Variants in CNTNAP2 observed in about 807,000 individuals in gnomAD.
CNTNAP2 encodes the protein contactin associated protein 2.
In CNTNAP2, 98 loss-of-function variants were observed where a neutral mutation model predicts 155.2. The ratio of observed to expected loss-of-function variants is 0.63; its 90% CI spans 0.54 to 0.75. The LOEUF (loss-of-function observed/expected upper bound fraction) is 0.75, where lower values mean the gene tolerates loss of function less well. CNTNAP2 is among the 30% of genes least tolerant of loss of function. The probability of loss-of-function intolerance (pLI) is 0.00; values close to 1 mark genes in which losing one functional copy is unlikely to be tolerated. For missense variants in CNTNAP2, 1,727 were observed against 1,688.1 expected, an observed-to-expected ratio of 1.02 and a Z score of -0.40; for synonymous variants, 651 against 631.2, an observed-to-expected ratio of 1.03 and a Z score of -0.47.
intron 14 of CNTNAP2, among the ~76,000 whole-genome samples, chr7:147,948,677 G>C (rs1800864831): frequency 6.7e-6 from 1 of 149,926 alleles, no homozygotes; most frequent in Non-Finnish European, 1.5e-5. Context: ...ATGTGTGTGT[G>C]TGTATATATA....
intron 15 of CNTNAP2, among the ~76,000 whole-genome samples, chr7:148,110,496 C>T (rs558965962): frequency 6.6e-6 from 1 of 152,080 alleles, no homozygotes; most frequent in African/African-American, 2.4e-5. Flanking sequence ...TCTTGCTGGA[C>T]CCACAGGTGG....
chr7:147,214,391 T>TCTGC (rs1369104360), intron 8 of CNTNAP2, among the ~76,000 whole-genome samples: 1 of 152,146 alleles, frequency 6.6e-6, no homozygotes, highest in Non-Finnish European at 1.5e-5. Context: ...ATTTAACCTC[T>TCTGC]CTGCCTTGGT....
intron 21 of CNTNAP2, among the ~76,000 whole-genome samples, chr7:148,303,517 C>T (rs1265518076): frequency 2.6e-5 from 4 of 152,138 alleles, no homozygotes; most frequent in African/African-American, 9.7e-5. Context: ...TAAGCTTGGC[C>T]GTGTTGCAGC....
chr7:148,409,530 G>C, intron 23 of CNTNAP2, 59 bp downstream of exon 23: 1 of 1,442,252 alleles, frequency 6.9e-7, no homozygotes, highest in Non-Finnish European at 9.8e-7. Context: ...AGTAATAGTT[G>C]TCAATAACAT....
At chr7:146,136,993 G>A (rs888222786) in intron 1 of CNTNAP2, among the ~76,000 whole-genome samples, 1 of 152,136 alleles carries the variant, frequency 6.6e-6, no homozygotes, top group Non-Finnish European at 1.5e-5. Flanking sequence ...GCACTTTTGA[G>A]TGATTACTAC....
intron 1 of CNTNAP2, among the ~76,000 whole-genome samples, chr7:146,344,010 AATC>A (rs1794775376): frequency 6.6e-6 from 1 of 152,170 alleles, no homozygotes; most frequent in African/African-American, 2.4e-5. Context: ...ACCCCTGTTT[AATC>A]ATAAAAAATT....
intron 3 of CNTNAP2, among the ~76,000 whole-genome samples, chr7:146,932,436 G>C (rs554295811): frequency 6.6e-6 from 1 of 150,744 alleles, no homozygotes; most frequent in African/African-American, 2.5e-5. Flanking sequence ...GGGATGTATG[G>C]CAAAATAATA....
intron 10 of CNTNAP2, among the ~76,000 whole-genome samples, chr7:147,421,227 T>C (rs1305396441): frequency 6.6e-6 from 1 of 152,170 alleles, no homozygotes; most frequent in Non-Finnish European, 1.5e-5. Context: ...TAAAAGTTCA[T>C]TTCCACTGAG....
At chr7:147,785,528 A>G (rs759175) in intron 13 of CNTNAP2, among the ~76,000 whole-genome samples, 15,868 of 152,208 alleles carry the variant, frequency 0.1, 1,289 homozygotes, top group African/African-American at 0.23. Flanking sequence ...AAGCAAGAAT[A>G]GGGTAAATAA....
chr7:147,043,023 T>C (rs1047968642), intron 3 of CNTNAP2, among the ~76,000 whole-genome samples: 2 of 152,126 alleles, frequency 1.3e-5, no homozygotes, highest in Non-Finnish European at 2.9e-5. Flanking sequence ...TTATTTGAAT[T>C]ATATCTTCTA....
chr7:148,267,439 G>A (rs892471934), intron 21 of CNTNAP2, among the ~76,000 whole-genome samples: 2 of 152,096 alleles, frequency 1.3e-5, no homozygotes, highest in African/African-American at 4.8e-5. Flanking sequence ...TGGATCACTT[G>A]AGGTCAGGAG....
chr7:146,701,471 C>G (rs1433527182), intron 1 of CNTNAP2, among the ~76,000 whole-genome samples: 1 of 152,138 alleles, frequency 6.6e-6, no homozygotes, highest in Non-Finnish European at 1.5e-5. Context: ...ACAAAGCAAA[C>G]TATGATGTCT....
chr7:147,924,528 G>T (rs1800348781), intron 14 of CNTNAP2, among the ~76,000 whole-genome samples: 2 of 152,202 alleles, frequency 1.3e-5, no homozygotes, highest in South Asian at 4.1e-4. Context: ...TGTAAATAAA[G>T]AAACCGAGGC....
chr7:146,502,237 A>ATATATATATATATATGAATATATATGTG (rs1563109674), intron 1 of CNTNAP2, among the ~76,000 whole-genome samples: 24 of 67,390 alleles, frequency 3.6e-4, no homozygotes, highest in African/African-American at 8.6e-4. Flanking sequence ...ATATATATAT[A>ATATATATATATATATGAATATATATGTG]TATATATATA....
chr7:148,418,935 C>G lies in CNTNAP2; in HGVS notation c.*3319C>G, dbSNP rs1800053113. The G allele has an allele frequency of 6.6e-6, 1 of 152,246 alleles. No individual in the cohort carries two copies. Among genetic ancestry groups the G allele is most frequent in the Admixed American group, 6.5e-5 (1 of 15,286 alleles). The allele number at this position is 152,246 out of a possible 1,614,324, so 9.4% of individuals were successfully genotyped here. ...CTGTCTTAATGTTACTTTTGAAAAT[C>G]TGCTGAGCGGCCACCATATGCAGGC... On this transcript the variant is annotated 3_prime_UTR_variant, in exon 24 of 24. Coordinates refer to ENST00000361727, the MANE Select transcript of CNTNAP2 (RefSeq NM_014141.6).
intron 17 of CNTNAP2, among the ~76,000 whole-genome samples, chr7:148,150,119 A>G (rs1317099012): frequency 2.0e-5 from 3 of 148,512 alleles, no homozygotes; most frequent in African/African-American, 7.6e-5. Flanking sequence ...AAAAAAAAAA[A>G]AAAAAAAAAA....
At chr7:146,533,970 AAT>A (rs1797809500) in intron 1 of CNTNAP2, among the ~76,000 whole-genome samples, 1 of 152,178 alleles carries the variant, frequency 6.6e-6, no homozygotes, top group Non-Finnish European at 1.5e-5. Flanking sequence ...TTGAATTAAA[AAT>A]AGTCTATGTA....
chr7:146,587,865 G>T (rs1031772186), intron 1 of CNTNAP2, among the ~76,000 whole-genome samples: 1 of 151,838 alleles, frequency 6.6e-6, no homozygotes, highest in African/African-American at 2.4e-5. Context: ...TAGAGATGGG[G>T]GTTTCACCAT....
chr7:147,600,352 C>T (rs765148298), intron 12 of CNTNAP2, among the ~76,000 whole-genome samples: 2 of 152,178 alleles, frequency 1.3e-5, no homozygotes, highest in African/African-American at 2.4e-5. Context: ...ATATTAGTAA[C>T]ATTAGGCTTT....
Sources: gnomAD v4.1 joint callset for allele counts (sites outside exome capture counted in the v4.1 genomes callset) on GRCh38, gnomAD v4.1.1 for gene constraint, MANE v1.5 for transcripts, NCBI Gene and HGNC (gene_info 2026-07-23, HGNC 2026-07-21) for gene names.